The following ART1 variants were observed in gnomAD, a reference collection of about 807,000 sequenced individuals.
ART1 encodes the protein ADP-ribosyltransferase 1.
A neutral mutation model predicts 27.0 loss-of-function variants in ART1; 29 were observed. That is an observed-to-expected ratio of 1.08 (90% CI 0.80 to 1.47). The LOEUF is 1.47. Ranked by LOEUF, ART1 falls within the 40% of genes most tolerant of loss-of-function variation. The pLI is 0.00. For missense variants in ART1, 480 were observed against 423.0 expected (o/e 1.13, Z -1.18); for synonymous variants, 201 against 172.2 (o/e 1.17, Z -1.31).
rs1410423352 is a variant in ART1, at chr11:3,661,407, A to G, written c.880A>G (p.Asn294Asp). The G allele has an allele frequency of 1.2e-6, 2 of 1,611,988 alleles. 1 individual carries two copies. The highest frequency in any genetic ancestry group is 2.2e-5 in the South Asian group (2 of 90,832). ...CAAGTCTGGGCCTTGCCATCTGGAT[A>G]ATTCAGGTAAGGGCTGCAGGCACCT... ...KCKSGPCHLDNSAMGQSPLSA... is the reference protein window; with the variant it reads ...KCKSGPCHLDDSAMGQSPLSA... Residue 294 changes from asparagine (N) to aspartate (D), a missense_variant, in exon 4 of 5, where the codon AAT (asparagine) becomes GAT (aspartate). Physicochemically the swap from Asn to Asp is conservative, Grantham distance 23 (BLOSUM62 1). Transcript: ENST00000250693.
At chr11:3,660,874 C>T (rs2077614882) in intron 3 of ART1, among the ~76,000 whole-genome samples, 1 of 152,202 alleles carries the variant, frequency 6.6e-6, no homozygotes, top group Admixed American at 6.5e-5. Context: ...CCCTAAGGTC[C>T]AGCTCAGGCT....
rs529962068 is a variant in ART1, at chr11:3,650,286, T to C, written c.-53+5107T>C. On this transcript the variant is annotated intron_variant, in intron 1 of 4. Transcript: ENST00000250693. ...CCTCCTAAGCCGTATCCCATCTGTG[T>C]GGGACCCCACTGAAAATCGGACTGT... Among the ~76,000 whole-genome samples the C allele has an allele frequency of 5.3e-5, 8 of 152,338 alleles. No individual in the cohort carries two copies. The South Asian group carries it at 8.3e-4, about 16-fold the overall frequency.
chr11:3,659,373 C>A, intron 2 of ART1, 97 bp downstream of exon 2: 1 of 1,546,544 alleles, frequency 6.5e-7, no homozygotes, highest in South Asian at 1.1e-5. Flanking sequence ...AAAGAATGCC[C>A]GACGCTTCCC....
intron 1 of ART1, among the ~76,000 whole-genome samples, chr11:3,653,396 G>A (rs545864789): frequency 1.4e-5 from 2 of 148,050 alleles, no homozygotes; most frequent in South Asian, 2.2e-4. Flanking sequence ...CCTTCTCCTG[G>A]CTCATCCTGG....
chr11:3,654,886 C>T (rs1434239894), intron 1 of ART1, among the ~76,000 whole-genome samples: 2 of 152,164 alleles, frequency 1.3e-5, no homozygotes, highest in Non-Finnish European at 2.9e-5. Context: ...CCCCTCAAGC[C>T]TCTGATGTAT....
Position 3,660,137 on chromosome 11 carries a change from G to T in ART1, c.618G>T (p.Lys206Asn), listed in dbSNP as rs145683174. 38 of 1,613,842 alleles carry T rather than the reference G, an allele frequency of 2.4e-5. No homozygotes were observed. Among genetic ancestry groups the T allele is most frequent in the Non-Finnish European group, 3.0e-5 (35 of 1,180,022 alleles). ...RLGGFASASLKHVAAQQFGED... is the reference protein window; with the variant it reads ...RLGGFASASLNHVAAQQFGED... Reference sequence around the variant, plus strand: ...GGGGCTTTGCTTCTGCCTCCCTGAAGCATGTTGCAGCCCAGCAGTTTGGTG... The same window carrying T: ...GGGGCTTTGCTTCTGCCTCCCTGAATCATGTTGCAGCCCAGCAGTTTGGTG... The change falls in exon 3 of 5, where the codon AAG becomes AAT. Residue 206 changes from lysine (K) to asparagine (N), a missense_variant. Transcript: ENST00000250693.
intron 1 of ART1, among the ~76,000 whole-genome samples, chr11:3,657,289 CAG>C (rs1405919499): frequency 6.6e-6 from 1 of 151,372 alleles, no homozygotes; most frequent in Non-Finnish European, 1.5e-5. Flanking sequence ...AGAAAGAAAA[CAG>C]AGGCTGGGAG....
chr11:3,648,203 C>T (rs952694829), intron 1 of ART1, among the ~76,000 whole-genome samples: 16 of 152,316 alleles, frequency 1.1e-4, no homozygotes, highest in Middle Eastern at 3.4e-3. Context: ...TATCTCCCTT[C>T]GCTGACTCTC....
At chr11:3,661,743 C>T (rs570378181) in intron 4 of ART1, among the ~76,000 whole-genome samples, 47 of 152,234 alleles carry the variant, frequency 3.1e-4, no homozygotes, top group African/African-American at 1.1e-3. Flanking sequence ...GGTGATCCAT[C>T]CACCTCGGCC....
At chr11:3,653,650 G>C (rs61878546) in intron 1 of ART1, among the ~76,000 whole-genome samples, 103 of 152,196 alleles carry the variant, frequency 6.8e-4, no homozygotes, top group African/African-American at 1.9e-3. Context: ...GAGGAGCTTC[G>C]TATTTTTTTT....
chr11:3,652,122 A>C (rs1488702638), intron 1 of ART1, among the ~76,000 whole-genome samples: 1 of 150,774 alleles, frequency 6.6e-6, no homozygotes, highest in Non-Finnish European at 1.5e-5. Context: ...CTACACATCA[A>C]GCTCGAGGAT....
intron 1 of ART1, among the ~76,000 whole-genome samples, chr11:3,652,281 C>T (rs939196834): frequency 3.3e-5 from 5 of 151,246 alleles, no homozygotes; most frequent in African/African-American, 9.8e-5. Context: ...GTCATTTCTT[C>T]CCTTCTGTCA....
intron 1 of ART1, 75 bp from the exon 2 acceptor site, chr11:3,659,087 A>G: frequency 1.2e-6 from 1 of 864,326 alleles, no homozygotes; most frequent in Non-Finnish European, 1.8e-6. Context: ...CTCAGTGCCA[A>G]GCACTAGGAA....
At chr11:3,653,530 C>A (rs1253409468) in intron 1 of ART1, among the ~76,000 whole-genome samples, 1 of 151,890 alleles carries the variant, frequency 6.6e-6, no homozygotes, top group Non-Finnish European at 1.5e-5. Flanking sequence ...CCTTATCTCC[C>A]TTCGCTGACT....
intron 4 of ART1, among the ~76,000 whole-genome samples, chr11:3,662,948 C>T (rs1472553533): frequency 1.3e-5 from 2 of 152,340 alleles, no homozygotes; most frequent in Admixed American, 1.3e-4. Flanking sequence ...GAGCCTGGCT[C>T]AAGAGCCAAA....
intron 1 of ART1, among the ~76,000 whole-genome samples, chr11:3,654,768 G>A (rs919423296): frequency 2.0e-5 from 3 of 146,598 alleles, no homozygotes; most frequent in Non-Finnish European, 3.0e-5. Context: ...TCTCCCATCA[G>A]ACATCAAGTC....
intron 4 of ART1, 122 bp downstream of exon 4, chr11:3,661,535 C>T (rs1429995270): frequency 9.4e-6 from 7 of 741,540 alleles, no homozygotes; most frequent in Non-Finnish European, 1.2e-5. Context: ...ACTCTTGTTG[C>T]CCAGGCTGGA....
chr11:3,652,451 A>G (rs1197119400), intron 1 of ART1, among the ~76,000 whole-genome samples: 1 of 151,226 alleles, frequency 6.6e-6, no homozygotes, highest in Admixed American at 6.6e-5. Context: ...AGAACGGACT[A>G]AAGGTCTTTT....
intron 1 of ART1, among the ~76,000 whole-genome samples, chr11:3,647,712 A>G (rs2077480717): frequency 6.6e-6 from 1 of 152,180 alleles, no homozygotes; most frequent in African/African-American, 2.4e-5. Flanking sequence ...GAAGTGATGA[A>G]CATGTTTATT....
Sources: allele counts gnomAD v4.1 joint callset (sites outside exome capture counted in the v4.1 genomes callset), GRCh38; gene constraint gnomAD v4.1.1; transcripts MANE v1.5; gene names NCBI Gene and HGNC (gene_info 2026-07-23, HGNC 2026-07-21).